The following MDGA2 variants were observed in gnomAD, a reference collection of about 807,000 sequenced individuals.
The protein encoded by MDGA2 is MAM domain-containing glycosylphosphatidylinositol anchor protein 2.
In MDGA2, 40 loss-of-function variants were observed where a neutral mutation model predicts 117.8. The ratio of observed to expected loss-of-function variants is 0.34; its 90% confidence interval spans 0.26 to 0.44. The LOEUF (loss-of-function observed/expected upper bound fraction) is 0.44. Among genes scored for constraint, MDGA2 ranks in the 20% least tolerant of loss-of-function variants. The pLI is 1.00. For missense variants in MDGA2, 1,123 were observed against 1,250.6 expected (o/e 0.90, Z 1.54); for synonymous variants, 452 against 439.0 (o/e 1.03, Z -0.37).
At chr14:47,066,569 T>C (rs925083800) in intron 6 of MDGA2, among the ~76,000 whole-genome samples, 1 of 152,224 alleles carries the variant, frequency 6.6e-6, no homozygotes, top group Non-Finnish European at 1.5e-5. Flanking sequence ...GCACATCCAC[T>C]GACTAGTTAG....
intron 14 of MDGA2, among the ~76,000 whole-genome samples, chr14:46,857,867 G>A (rs934231325): frequency 3.9e-5 from 6 of 151,942 alleles, no homozygotes; most frequent in Non-Finnish European, 5.9e-5. Flanking sequence ...TCTTACTCAG[G>A]TAGATCTCCA....
intron 2 of MDGA2, among the ~76,000 whole-genome samples, chr14:47,259,380 T>C (rs1887722939): frequency 1.3e-5 from 2 of 152,054 alleles, no homozygotes; most frequent in Non-Finnish European, 2.9e-5. Flanking sequence ...AACAAGCAAA[T>C]AAAAATAACC....
At chr14:47,103,052 A>C (rs772760517) in intron 5 of MDGA2, among the ~76,000 whole-genome samples, 7 of 152,176 alleles carry the variant, frequency 4.6e-5, no homozygotes, top group Non-Finnish European at 1.0e-4. Flanking sequence ...ATGGGTGAAA[A>C]ATGAAATAAT....
Position 46,957,489 on chromosome 14 carries a change from G to A in MDGA2, c.1974C>T (p.Asp658=). The change falls in exon 9 of 17, where the codon GAC becomes GAT. Residue 658 remains aspartate, a synonymous_variant. Transcript: ENST00000399232. ...GNKLLRTGQF[D]SQEYTEYAVK... is the part of the protein sequence containing the mutation. ...CAGCGTACTCTGTGTATTCCTGAGA[G>A]TCAAATTGACCCGTCCGTAATAATT... The A allele has an allele frequency of 6.2e-7, 1 of 1,614,108 alleles. No individual in the cohort carries two copies. Among genetic ancestry groups the A allele is most frequent in the Non-Finnish European group, 8.5e-7 (1 of 1,180,022 alleles).
intron 1 of MDGA2, among the ~76,000 whole-genome samples, chr14:47,648,751 T>C (rs1897583654): frequency 6.6e-6 from 1 of 152,026 alleles, no homozygotes; most frequent in South Asian, 2.1e-4. Context: ...TTCAGAAGCA[T>C]ATTTTGACCT....
intron 1 of MDGA2, among the ~76,000 whole-genome samples, chr14:47,400,958 C>T (rs1256508153): frequency 6.6e-6 from 1 of 150,896 alleles, no homozygotes; most frequent in Non-Finnish European, 1.5e-5. Flanking sequence ...GGGGTTTCAC[C>T]GTGTTAGCCA....
chr14:47,047,531 G>A (rs1339058999), intron 7 of MDGA2, among the ~76,000 whole-genome samples: 1 of 152,066 alleles, frequency 6.6e-6, no homozygotes, highest in Non-Finnish European at 1.5e-5. Context: ...AAGTAGGCAA[G>A]TCTGCACCTT....
chr14:47,468,280 G>A (rs780352734), intron 1 of MDGA2, among the ~76,000 whole-genome samples: 4 of 152,154 alleles, frequency 2.6e-5, no homozygotes, highest in Non-Finnish European at 5.9e-5. Context: ...AGAAAGAAAA[G>A]AGTAATGAAT....
At chr14:47,205,051 G>T (rs918202557) in intron 3 of MDGA2, among the ~76,000 whole-genome samples, 8 of 151,714 alleles carry the variant, frequency 5.3e-5, no homozygotes, top group African/African-American at 1.9e-4. Flanking sequence ...AATGACAAAT[G>T]ATATATACAG....
At chr14:47,464,432 G>C (rs1037346883) in intron 1 of MDGA2, among the ~76,000 whole-genome samples, 24 of 152,042 alleles carry the variant, frequency 1.6e-4, no homozygotes, top group Non-Finnish European at 3.4e-4. Flanking sequence ...TCTGTATCTA[G>C]AAAACCCCAT....
At chr14:47,331,166 T>C (rs928423923) in intron 1 of MDGA2, among the ~76,000 whole-genome samples, 4 of 119,434 alleles carry the variant, frequency 3.3e-5, no homozygotes, top group Non-Finnish European at 1.7e-5. Flanking sequence ...TAAATTCATA[T>C]ATCTACATAA....
intron 1 of MDGA2, among the ~76,000 whole-genome samples, chr14:47,313,851 T>A (rs1028039971): frequency 6.6e-6 from 1 of 152,114 alleles, no homozygotes; most frequent in Non-Finnish European, 1.5e-5. Flanking sequence ...ATATGAAATA[T>A]ACTTAACTTT....
chr14:47,166,092 A>G (rs1415873263), intron 3 of MDGA2, among the ~76,000 whole-genome samples: 1 of 145,796 alleles, frequency 6.9e-6, no homozygotes, highest in African/African-American at 2.6e-5. Context: ...CTGGACTGCA[A>G]TAGGGTGATC....
intron 1 of MDGA2, chr14:47,305,236 G>A (rs1042788194): frequency 3.9e-5 from 6 of 152,104 alleles, no homozygotes; most frequent in African/African-American, 1.4e-4. Flanking sequence ...TATACCTGAA[G>A]CAAGACATCT....
chr14:47,227,082 T>C (rs887456890), intron 2 of MDGA2, among the ~76,000 whole-genome samples: 1 of 152,194 alleles, frequency 6.6e-6, no homozygotes, highest in African/African-American at 2.4e-5. Context: ...TCTTATCACA[T>C]GCTTTAGAAA....
At chr14:47,192,395 G>A (rs757464243) in intron 3 of MDGA2, among the ~76,000 whole-genome samples, 1 of 151,924 alleles carries the variant, frequency 6.6e-6, no homozygotes, top group African/African-American at 2.4e-5. Flanking sequence ...TGGGTGGATC[G>A]CTTGAGCTCA....
At chr14:47,589,978 T>C (rs1366944946) in intron 1 of MDGA2, among the ~76,000 whole-genome samples, 1 of 151,974 alleles carries the variant, frequency 6.6e-6, no homozygotes, top group Non-Finnish European at 1.5e-5. Flanking sequence ...CATTTGCCAG[T>C]GTATAAAAAC....
At chr14:47,245,647 G>A (rs1295345550) in intron 2 of MDGA2, among the ~76,000 whole-genome samples, 2 of 151,724 alleles carry the variant, frequency 1.3e-5, no homozygotes, top group African/African-American at 2.4e-5. Context: ...CATACTTTAA[G>A]TGAAAAAAGT....
intron 9 of MDGA2, among the ~76,000 whole-genome samples, chr14:46,923,210 G>A (rs565920097): frequency 3.9e-5 from 6 of 152,054 alleles, no homozygotes; most frequent in Admixed American, 2.0e-4. Context: ...ACTATAAAAC[G>A]TTATCTTTAT....
Sources: gnomAD v4.1 joint callset for allele counts (sites outside exome capture counted in the v4.1 genomes callset) on GRCh38, gnomAD v4.1.1 for gene constraint, MANE v1.5 for transcripts, NCBI Gene and HGNC (gene_info 2026-07-23, HGNC 2026-07-21) for gene names.